The following SATB2 variants were observed in gnomAD, a reference collection of about 807,000 sequenced individuals.
SATB2 encodes DNA-binding protein SATB2.
SATB2 carries 1 observed loss-of-function variant against 73.4 expected under a neutral mutation model. The observed-to-expected ratio is 0.01, with a 90% CI of 0.00 to 0.06. The LOEUF is 0.06. Among genes scored for constraint, SATB2 ranks in the 10% least tolerant of loss-of-function variants. The probability of loss-of-function intolerance (pLI) is 1.00; values close to 1 mark genes in which losing one functional copy is unlikely to be tolerated. For synonymous variants in SATB2, 397 were observed against 367.0 expected (o/e 1.08, Z -0.93); for missense variants, 459 against 945.8 (o/e 0.49, Z 6.75).
chr2:199,458,871 C>G (rs1050673533), upstream of SATB2: 6 of 299,422 alleles, frequency 2.0e-5, no homozygotes, highest in Admixed American at 2.7e-4. Flanking sequence ...CTTCGTGCCG[C>G]CGCGCGCGCA....
At chr2:199,332,367 G>A (rs1294144308) in intron 7 of SATB2, among the ~76,000 whole-genome samples, 1 of 152,070 alleles carries the variant, frequency 6.6e-6, no homozygotes, top group Non-Finnish European at 1.5e-5. Flanking sequence ...TTACAAGTCA[G>A]TGGAAAAAGA....
At chr2:199,344,859 C>G (rs1688605575) in intron 7 of SATB2, among the ~76,000 whole-genome samples, 1 of 152,172 alleles carries the variant, frequency 6.6e-6, no homozygotes, top group South Asian at 2.1e-4. Context: ...GCTAATCACT[C>G]TTTAACTCCT....
intron 2 of SATB2, among the ~76,000 whole-genome samples, chr2:199,441,187 A>C (rs954529259): frequency 6.6e-6 from 1 of 152,078 alleles, no homozygotes; most frequent in Non-Finnish European, 1.5e-5. Context: ...CATACATACA[A>C]TAATTCAATT....
At chr2:199,287,360 G>A (rs1213219028) in intron 10 of SATB2, among the ~76,000 whole-genome samples, 1 of 152,004 alleles carries the variant, frequency 6.6e-6, no homozygotes, top group African/African-American at 2.4e-5. Flanking sequence ...ATATATGAAG[G>A]AAAAGAATAG....
intron 2 of SATB2, among the ~76,000 whole-genome samples, chr2:199,441,014 A>G (rs533970743): frequency 2.3e-4 from 35 of 152,118 alleles, no homozygotes; most frequent in African/African-American, 8.4e-4. Context: ...GTGCCCGGCT[A>G]ATTTTGTATT....
rs558055530 is a variant in SATB2, at chr2:199,302,115, T to TTGCC, written c.1740+6641_1740+6644dup. On this transcript the variant is annotated intron_variant, in intron 10 of 10. Transcript: ENST00000417098. ...AAACTGCACATTTCTTTGGCCTACT[T>TTGCC]TGCCTGCCTACTTTTTAAATTGTAC... Among the ~76,000 whole-genome samples the TTGCC allele has an allele frequency of 6.6e-5, 10 of 152,320 alleles. No individual in the cohort carries two copies. In the South Asian group the frequency reaches 2.1e-3, roughly 32 times the overall value.
intron 3 of SATB2, among the ~76,000 whole-genome samples, chr2:199,426,732 G>GA (rs1434817124): frequency 2.9e-5 from 4 of 140,330 alleles, no homozygotes; most frequent in Non-Finnish European, 6.2e-5. Context: ...GAAAAAGAAA[G>GA]AAAGAAAAAG....
At chr2:199,300,247 T>C (rs149148764) in intron 10 of SATB2, among the ~76,000 whole-genome samples, 8 of 151,824 alleles carry the variant, frequency 5.3e-5, no homozygotes, top group East Asian at 1.9e-4. Context: ...AATAGCAACA[T>C]TGAGTTGACC....
chr2:199,290,040 A>G (rs1432636994), intron 10 of SATB2, among the ~76,000 whole-genome samples: 1 of 152,176 alleles, frequency 6.6e-6, no homozygotes, highest in African/African-American at 2.4e-5. Flanking sequence ...AAGGCCCCGT[A>G]ACCTCACTGC....
At chr2:199,405,529 T>C (rs776087101) in intron 3 of SATB2, among the ~76,000 whole-genome samples, 3 of 151,864 alleles carry the variant, frequency 2.0e-5, no homozygotes, top group Non-Finnish European at 2.9e-5. Context: ...TGGAGGGAAA[T>C]AGAGAAAGGC....
intron 5 of SATB2, among the ~76,000 whole-genome samples, chr2:199,372,196 G>A (rs1277435721): frequency 2.0e-5 from 3 of 152,148 alleles, no homozygotes; most frequent in Non-Finnish European, 4.4e-5. Flanking sequence ...TTGGATGGGA[G>A]ATAAAGTATA....
At chr2:199,441,912 T>C (rs1318098887) in intron 2 of SATB2, among the ~76,000 whole-genome samples, 1 of 152,162 alleles carries the variant, frequency 6.6e-6, no homozygotes, top group Admixed American at 6.5e-5. Context: ...TGTGGCAGCT[T>C]ATCTAAACAA....
chr2:199,461,331 G>T (rs1177826992), upstream of SATB2, among the ~76,000 whole-genome samples: 1 of 151,944 alleles, frequency 6.6e-6, no homozygotes, highest in Admixed American at 6.6e-5. Flanking sequence ...GTTTAATTTC[G>T]ACAATAAGAT....
At position 199,314,787 on chromosome 2, in the gene SATB2, C is replaced by CA. The variant is rs1409917731; in HGVS notation, c.1543-5831dup. ...GGCTCAGATTATAAAGAATGTCATG[C>CA]AAAAAAACAATTTTTATCTTAATCT... On this transcript the variant is annotated intron_variant, in intron 9 of 10. Coordinates refer to ENST00000417098, the MANE Select transcript of SATB2 (RefSeq NM_001172509.2). Among the ~76,000 whole-genome samples the CA allele has an allele frequency of 3.9e-5, 6 of 151,964 alleles. No homozygotes were observed. The South Asian group carries it at 1.0e-3, about 26-fold the overall frequency.
At position 199,328,966 on chromosome 2, in the gene SATB2, G is replaced by C; in HGVS notation, c.1174-56C>G. On this transcript the variant is annotated intron_variant, in intron 7 of 10. Transcript: ENST00000417098. ...GTCACATTTGCAGGTATATGTGTGT[G>C]GTTTCTGTCTTCCACCCCTCTCCTC... 4.3e-6 allele frequency: 6 copies of C among 1,389,608 alleles called. No homozygotes were observed. The South Asian group carries it at 7.2e-5, about 17-fold the overall frequency. 86.1% of individuals were successfully genotyped at this position (1,389,608 alleles called of 1,614,324 possible).
chr2:199,291,085 AT>A (rs1692843104), intron 10 of SATB2, among the ~76,000 whole-genome samples: 1 of 152,234 alleles, frequency 6.6e-6, no homozygotes, highest in African/African-American at 2.4e-5. Context: ...AAAACACTGA[AT>A]GTCTTGTCCA....
chr2:199,323,026 A>C (rs1031988686), intron 9 of SATB2, among the ~76,000 whole-genome samples: 1 of 152,132 alleles, frequency 6.6e-6, no homozygotes, highest in African/African-American at 2.4e-5. Flanking sequence ...GGTATACATA[A>C]GTGAGCATGC....
At chr2:199,278,773 T>C (rs1244620104) in intron 10 of SATB2, among the ~76,000 whole-genome samples, 1 of 152,220 alleles carries the variant, frequency 6.6e-6, no homozygotes, top group Non-Finnish European at 1.5e-5. Flanking sequence ...GCCAGAAGTA[T>C]GCACTGGCAC....
At chr2:199,467,793 G>T (rs977541277), upstream of SATB2, among the ~76,000 whole-genome samples, 1 of 152,094 alleles carries the variant, frequency 6.6e-6, no homozygotes, top group African/African-American at 2.4e-5. Context: ...TAGGACACAG[G>T]ACCCCGGGGC....
Sources: gnomAD v4.1 joint callset for allele counts (sites outside exome capture counted in the v4.1 genomes callset) on GRCh38, gnomAD v4.1.1 for gene constraint, MANE v1.5 for transcripts, NCBI Gene and HGNC (gene_info 2026-07-23, HGNC 2026-07-21) for gene names.